The following DPP10 variants were observed in gnomAD, a reference collection of about 807,000 sequenced individuals.
The protein encoded by DPP10 is inactive dipeptidyl peptidase 10.
A neutral mutation model predicts 120.9 loss-of-function variants in DPP10; 33 were observed. The ratio of observed to expected loss-of-function variants is 0.27; its 90% CI spans 0.21 to 0.37. The LOEUF (loss-of-function observed/expected upper bound fraction) is 0.37, where lower values mean the gene tolerates loss of function less well. Among genes scored for constraint, DPP10 ranks in the 10% least tolerant of loss-of-function variants. The probability of loss-of-function intolerance (pLI) is 1.00; values close to 1 mark genes in which losing one functional copy is unlikely to be tolerated. For missense variants in DPP10, 816 were observed against 942.8 expected (o/e 0.87, Z 1.76); for synonymous variants, 337 against 326.1 (o/e 1.03, Z -0.36).
intron 1 of DPP10, among the ~76,000 whole-genome samples, chr2:114,624,611 G>A (rs1694357994): frequency 6.6e-6 from 1 of 151,912 alleles, no homozygotes; most frequent in African/African-American, 2.4e-5. Flanking sequence ...CTCCCATCAT[G>A]TGGCAGGCAC....
chr2:114,628,924 A>G (rs557666559), intron 1 of DPP10, among the ~76,000 whole-genome samples: 12 of 152,286 alleles, frequency 7.9e-5, no homozygotes, highest in African/African-American at 2.9e-4. Flanking sequence ...TCTTTGTGGC[A>G]AGTGTCAAAT....
chr2:114,935,671 G>A (rs1696406959), intron 1 of DPP10, among the ~76,000 whole-genome samples: 1 of 144,918 alleles, frequency 6.9e-6, no homozygotes, highest in East Asian at 2.1e-4. Flanking sequence ...GATCCTTTCG[G>A]TTATTTGCTC....
chr2:115,338,327 T>C (rs1433942579), intron 2 of DPP10, among the ~76,000 whole-genome samples: 1 of 152,118 alleles, frequency 6.6e-6, no homozygotes, highest in East Asian at 1.9e-4. Flanking sequence ...TTTATATCAA[T>C]GTGTTAAAGG....
At chr2:115,455,341 A>T (rs1415569533) in intron 3 of DPP10, among the ~76,000 whole-genome samples, 3 of 151,802 alleles carry the variant, frequency 2.0e-5, no homozygotes, top group African/African-American at 4.8e-5. Context: ...AATGTTAAGG[A>T]CCTAAAACAG....
chr2:115,614,364 A>C (rs1369797529), intron 5 of DPP10, among the ~76,000 whole-genome samples: 4 of 152,112 alleles, frequency 2.6e-5, no homozygotes, highest in Non-Finnish European at 5.9e-5. Context: ...TTATATTTTC[A>C]AGTGCCCCTC....
At chr2:114,993,584 A>G (rs1054380267) in intron 1 of DPP10, among the ~76,000 whole-genome samples, 9 of 134,680 alleles carry the variant, frequency 6.7e-5, no homozygotes, top group Admixed American at 2.2e-4. Flanking sequence ...GTGTGTGTAT[A>G]TATATATATA....
At chr2:114,892,993 G>A (rs538925876) in intron 1 of DPP10, among the ~76,000 whole-genome samples, 2 of 152,240 alleles carry the variant, frequency 1.3e-5, no homozygotes, top group Non-Finnish European at 2.9e-5. Flanking sequence ...TGTTTTCTTA[G>A]GCGTATTCCA....
chr2:115,730,767 A>T (rs2092886804), intron 8 of DPP10, among the ~76,000 whole-genome samples: 1 of 152,190 alleles, frequency 6.6e-6, no homozygotes, highest in African/African-American at 2.4e-5. Context: ...AACGGGTAAT[A>T]CAAACTTTTG....
At chr2:115,058,120 G>A (rs1236862444) in intron 1 of DPP10, among the ~76,000 whole-genome samples, 1 of 152,128 alleles carries the variant, frequency 6.6e-6, no homozygotes, top group African/African-American at 2.4e-5. Flanking sequence ...TCCACAACCT[G>A]CCACAAGAAC....
chr2:115,375,379 C>T (rs1373182029), intron 3 of DPP10, among the ~76,000 whole-genome samples: 1 of 152,212 alleles, frequency 6.6e-6, no homozygotes, highest in Non-Finnish European at 1.5e-5. Context: ...TCATTTCCAC[C>T]TGAGATGACC....
chr2:115,138,438 T>C (rs2050757194), intron 1 of DPP10, among the ~76,000 whole-genome samples: 1 of 152,230 alleles, frequency 6.6e-6, no homozygotes, highest in African/African-American at 2.4e-5. Flanking sequence ...TAGGGCTGAT[T>C]TGCATTTGTG....
chr2:114,810,931 C>A (rs775556167), intron 1 of DPP10, among the ~76,000 whole-genome samples: 98 of 152,282 alleles, frequency 6.4e-4, no homozygotes, highest in Non-Finnish European at 1.1e-3. Context: ...AGAGGCACAA[C>A]AGAAAGGGCA....
chr2:114,545,195 T>C (rs1285934286), intron 1 of DPP10, among the ~76,000 whole-genome samples: 2 of 152,166 alleles, frequency 1.3e-5, no homozygotes, highest in Non-Finnish European at 2.9e-5. Context: ...ATTAATGTAT[T>C]TTGTAAATTA....
intron 3 of DPP10, among the ~76,000 whole-genome samples, chr2:115,469,795 G>C (rs1207627837): frequency 1.3e-5 from 2 of 150,204 alleles, no homozygotes; most frequent in Non-Finnish European, 3.0e-5. Context: ...CTACTTGGGA[G>C]GCTGAGGAAG....
intron 1 of DPP10, among the ~76,000 whole-genome samples, chr2:115,208,987 G>C (rs1516312): frequency 0.79 from 120,289 of 152,120 alleles, 47,846 homozygotes; most frequent in East Asian, 0.89. Flanking sequence ...GACAACAGAT[G>C]AGTTCTCAGA....
intron 1 of DPP10, among the ~76,000 whole-genome samples, chr2:114,854,365 C>T (rs1689204238): frequency 6.6e-6 from 1 of 152,148 alleles, no homozygotes; most frequent in Non-Finnish European, 1.5e-5. Flanking sequence ...TTTATATCTT[C>T]AACTCTAGTC....
chr2:115,331,129 A>G (rs1450444098), intron 2 of DPP10, among the ~76,000 whole-genome samples: 1 of 152,116 alleles, frequency 6.6e-6, no homozygotes. Flanking sequence ...TTCTCCTTGA[A>G]GAGGTCCTTC....
chr2:114,809,748 C>A (rs948724589), intron 1 of DPP10, among the ~76,000 whole-genome samples: 3 of 152,026 alleles, frequency 2.0e-5, no homozygotes, highest in Non-Finnish European at 4.4e-5. Context: ...ATACGGCTTG[C>A]GAAACCCACT....
intron 1 of DPP10, among the ~76,000 whole-genome samples, chr2:114,559,405 C>A (rs913134297): frequency 1.3e-5 from 2 of 152,096 alleles, no homozygotes; most frequent in African/African-American, 2.4e-5. Flanking sequence ...AAATGAATTC[C>A]CCCTTAGAGA....
Sources: gnomAD v4.1 joint callset for allele counts (sites outside exome capture counted in the v4.1 genomes callset) on GRCh38, gnomAD v4.1.1 for gene constraint, MANE v1.5 for transcripts, NCBI Gene and HGNC (gene_info 2026-07-23, HGNC 2026-07-21) for gene names.